INF2: variants seen among roughly 807,000 people sequenced by gnomAD.
INF2 encodes inverted formin-2.
Under a neutral mutation model 123.5 loss-of-function variants are expected in INF2, and 43 were observed. That is an observed-to-expected ratio of 0.35 (90% confidence interval 0.27 to 0.45). The LOEUF is 0.45. INF2 is among the 20% of genes least tolerant of loss of function. The probability of loss-of-function intolerance (pLI) is 1.00; values close to 1 mark genes in which losing one functional copy is unlikely to be tolerated. For missense variants in INF2, 1,453 were observed against 1,682.7 expected (o/e 0.86, Z 2.39); for synonymous variants, 851 against 745.0 (o/e 1.14, Z -2.32).
At chr14:104,694,879 G>T (rs766446019) in intron 1 of INF2, among the ~76,000 whole-genome samples, 3 of 152,166 alleles carry the variant, frequency 2.0e-5, no homozygotes, top group African/African-American at 4.8e-5. Context: ...GCAGGGTGGG[G>T]GCTGGACACC....
chr14:104,705,787 G>C (rs887172656), intron 5 of INF2, among the ~76,000 whole-genome samples: 1 of 152,226 alleles, frequency 6.6e-6, no homozygotes, highest in Non-Finnish European at 1.5e-5. Context: ...CCCTTCCCCA[G>C]GGGCGTGCGG....
At position 104,701,597 on chromosome 14, in the gene INF2, C is replaced by T. The variant is rs1417873293; in HGVS notation, c.232C>T (p.Leu78=). Residue 78 remains leucine (L), a synonymous_variant, in exon 2 of 23, where the codon CTG becomes TTG. Coordinates refer to ENST00000392634, the MANE Select transcript of INF2 (RefSeq NM_022489.4). ...FLEQSGLDLL[L]EALARLSGRG... The stretch of plus-strand genomic sequence containing the variant: ...GGAGCAGAGCGGCCTGGACCTGCTG[C>T]TGGAGGCGCTGGCGCGGCTGTCGGG... The T allele has an allele frequency of 2.5e-6, 4 of 1,605,940 alleles. No individual in the cohort carries two copies. Among genetic ancestry groups the T allele is most frequent in the African/African-American group, 2.7e-5 (2 of 74,862 alleles).
exon 1 of INF2, chr14:104,681,308 C>G (rs749268327): frequency 2.5e-6 from 1 of 402,984 alleles, no homozygotes; most frequent in Non-Finnish European, 5.0e-6. Flanking sequence ...GCACTGCCAG[C>G]GAAAGGTGAA....
In INF2 at chr14:104,699,108, G is replaced by A. The variant is rs1294814795; in HGVS notation, c.-9-2249G>A. 6.6e-6 allele frequency among the ~76,000 whole-genome samples: 1 copy of A among 152,120 alleles called. No individual in the cohort carries two copies. The highest frequency in any genetic ancestry group is 6.5e-5 in the Admixed American group (1 of 15,276). The stretch of plus-strand genomic sequence containing the variant: ...GTACTCAGGTCAGGGAGCATCTTCT[G>A]TGTCCAGGGACACCCTGGGGCCTGG... On this transcript the variant is annotated intron_variant, in intron 1 of 22. Coordinates refer to ENST00000392634, the MANE Select transcript of INF2 (RefSeq NM_022489.4). This position sits in a 1 kb window ranked among gnomAD's most constrained non-coding sequence, Gnocchi z 4.7.
chr14:104,693,273 G>C (rs1889038975), intron 1 of INF2, among the ~76,000 whole-genome samples: 1 of 152,214 alleles, frequency 6.6e-6, no homozygotes, highest in African/African-American at 2.4e-5. Flanking sequence ...AGGTGGGGTG[G>C]GGGAGAGGGA....
At chr14:104,689,587 T>TGCAACCCC, upstream of INF2, 2 of 851,068 alleles carry the variant, frequency 2.3e-6, no homozygotes, top group Non-Finnish European at 2.8e-6. Context: ...CACCTCCTCT[T>TGCAACCCC]CCTCCCGCCC....
chr14:104,711,833 C>T, intron 16 of INF2, 134 bp downstream of exon 16: 1 of 750,650 alleles, frequency 1.3e-6, no homozygotes, highest in South Asian at 1.7e-5. Context: ...GAGCCCTGCC[C>T]AATAGAACAC....
intron 1 of INF2, among the ~76,000 whole-genome samples, chr14:104,691,763 G>A (rs1314888079): frequency 9.2e-5 from 14 of 152,302 alleles, no homozygotes; most frequent in Admixed American, 9.1e-4. Context: ...GGGGTGAGCA[G>A]GGTCCAACCA....
chr14:104,704,400 T>G, intron 5 of INF2: 1 of 229,220 alleles, frequency 4.4e-6, no homozygotes. Flanking sequence ...TCAGGCCCAC[T>G]AGAACAAGGG....
At chr14:104,689,501 A>AG, upstream of INF2, 1 of 100,366 alleles carries the variant, frequency 1.0e-5, no homozygotes, top group Non-Finnish European at 1.6e-5. Flanking sequence ...GGCCACCCCC[A>AG]GCCACCCACC....
chr14:104,682,800 A>G (rs1284644441), intron 1 of INF2, among the ~76,000 whole-genome samples: 4 of 152,144 alleles, frequency 2.6e-5, no homozygotes, highest in African/African-American at 9.7e-5. Flanking sequence ...GGCCACTCCT[A>G]AAATCCTCAC....
chr14:104,708,098 C>T (rs985154769), intron 8 of INF2, 96 bp downstream of exon 8: 31 of 1,556,674 alleles, frequency 2.0e-5, no homozygotes, highest in Admixed American at 2.0e-4. Flanking sequence ...CTTGTGTGCG[C>T]GTCCTGCCCG....
At chr14:104,697,880 G>A (rs1490290696) in intron 1 of INF2, among the ~76,000 whole-genome samples, 3 of 149,394 alleles carry the variant, frequency 2.0e-5, no homozygotes, top group Non-Finnish European at 4.4e-5. Context: ...TGGTGCTGGT[G>A]GACTGCCGGG....
Position 104,720,341 on chromosome 14 carries a change from TCG to T in INF2, c.*1549_*1550del, listed in dbSNP as rs1457746656. 23 of 175,482 alleles carry T rather than the reference TCG, an allele frequency of 1.3e-4. No homozygotes were observed. Among genetic ancestry groups the T allele is most frequent in the Admixed American group, 1.9e-4 (3 of 15,602 alleles). 10.9% of individuals were successfully genotyped at this position (175,482 alleles called of 1,614,324 possible). ...GCTGCTGTGGACATTTGCGTAGTCC[TCG>T]TGTGGATGCTGCTGTGGACGTCTGC... is the stretch of plus-strand genomic sequence containing the variant. On this transcript the variant is annotated 3_prime_UTR_variant, in exon 23 of 23. Coordinates refer to ENST00000392634, the MANE Select transcript of INF2 (RefSeq NM_022489.4).
In INF2 at chr14:104,708,655, G is replaced by T. The variant is rs978498840; in HGVS notation, c.1888-16G>T. 10 of 1,612,816 alleles carry T rather than the reference G, an allele frequency of 6.2e-6. No homozygotes were observed. In the South Asian group the frequency reaches 9.9e-5, roughly 16 times the overall value. Reference sequence around the variant, plus strand: ...CCACCCTCCGGTACCAGCCTGTTGGGTGGGGGGTTTTCTAGATCACTTTCC... The same window carrying T: ...CCACCCTCCGGTACCAGCCTGTTGGTTGGGGGGTTTTCTAGATCACTTTCC... On this transcript the variant is annotated splice_polypyrimidine_tract_variant and intron_variant, in intron 9 of 22. Coordinates refer to ENST00000392634, the MANE Select transcript of INF2 (RefSeq NM_022489.4).
Position 104,709,663 on chromosome 14 carries a change from C to A in INF2, c.2096C>A (p.Ala699Asp). 1 of 1,612,684 alleles carries A rather than the reference C, an allele frequency of 6.2e-7. No individual in the cohort carries two copies. Among genetic ancestry groups the A allele is most frequent in the Non-Finnish European group, 8.5e-7 (1 of 1,179,806 alleles). The change falls in exon 12 of 23, where the codon GCC becomes GAC. Residue 699 changes from alanine (A) to aspartate (D), a missense_variant. Ala to Asp is a moderately radical substitution (Grantham distance 126). Coordinates refer to ENST00000392634, the MANE Select transcript of INF2 (RefSeq NM_022489.4). ...TTCACAGAGGAGCGAGCCAAGCTGG[C>A]CAGCGCCGACCACTTCTACCTCCTC... Reference protein sequence around the residue: ...RAFTEERAKLASADHFYLLLL... With the variant: ...RAFTEERAKLDSADHFYLLLL...
In INF2 at chr14:104,721,221, C is replaced by T. The variant is rs1408043582; in HGVS notation, c.*2428C>T. The T allele has an allele frequency of 8.4e-6, 1 of 119,352 alleles. No individual in the cohort carries two copies. Among genetic ancestry groups the T allele is most frequent in the African/African-American group, 3.3e-5 (1 of 29,956 alleles). 7.4% of individuals were successfully genotyped at this position (119,352 alleles called of 1,614,324 possible). A position where few individuals can be genotyped will look rare whatever the true frequency, so the allele number is the denominator to read the frequency against. ...AGTCTCGTGTGGATGCTGCTGTGGA[C>T]GTCTGCGTCGTCCTCGTGTGGATGC... On this transcript the variant is annotated 3_prime_UTR_variant, in exon 23 of 23. Transcript: ENST00000392634.
chr14:104,721,947 C>G lies in INF2; in HGVS notation c.*3154C>G, dbSNP rs2140728236. 1 of 152,496 alleles carries G rather than the reference C, an allele frequency of 6.6e-6. No homozygotes were observed. The highest frequency in any genetic ancestry group is 1.9e-4 in the East Asian group (1 of 5,190). The allele number at this position is 152,496 out of a possible 1,614,324, so 9.4% of individuals were successfully genotyped here. On this transcript the variant is annotated 3_prime_UTR_variant, in exon 23 of 23. Transcript: ENST00000392634. ...GTGGGTGTCTGTGTGTCCTGGGCCA[C>G]TGTGTGCGATGGTCCCACTGGGAGG...
intron 1 of INF2, among the ~76,000 whole-genome samples, chr14:104,697,368 G>T (rs370215622): frequency 6.6e-6 from 1 of 152,196 alleles, no homozygotes; most frequent in East Asian, 1.9e-4. Flanking sequence ...CCTGTGTGCC[G>T]CTCAGAACCA....
Sources: gnomAD v4.1 joint callset for allele counts (sites outside exome capture counted in the v4.1 genomes callset) on GRCh38, gnomAD v4.1.1 for gene constraint, Gnocchi (gnomAD v3.1) non-coding constraint, MANE v1.5 for transcripts, NCBI Gene and HGNC (gene_info 2026-07-23, HGNC 2026-07-21) for gene names.